FCSK: variants seen among roughly 807,000 people sequenced by gnomAD.
FCSK encodes L-fucose kinase.
A neutral mutation model predicts 122.5 loss-of-function variants in FCSK; 123 were observed. The ratio of observed to expected loss-of-function variants is 1.00; its 90% CI spans 0.87 to 1.17. The LOEUF is 1.17. FCSK is among the 50% of genes most tolerant of loss of function. FCSK has a pLI of 0.00. For missense variants in FCSK, 1,366 were observed against 1,450.4 expected, an observed-to-expected ratio of 0.94 and a Z score of 0.95; for synonymous variants, 620 against 625.5, an observed-to-expected ratio of 0.99 and a Z score of 0.13.
At chr16:70,478,769 A>G in intron 22 of FCSK, 119 bp downstream of exon 22, 1 of 811,942 alleles carries the variant, frequency 1.2e-6, no homozygotes, top group Middle Eastern at 2.2e-4. Flanking sequence ...GCCTCTGGGA[A>G]CAGAAGCCTA....
rs118034378 is a variant in FCSK, at chr16:70,465,379, C to T, written c.285+203C>T. ...TTAGATTGAAAGGTCCATCTAGGGC[C>T]GGGCGCAGTGGCTCATGCCTGTAAA... On this transcript the variant is annotated intron_variant, in intron 4 of 23. Coordinates refer to ENST00000288078, the MANE Select transcript of FCSK (RefSeq NM_145059.3). Among the ~76,000 whole-genome samples the T allele has an allele frequency of 3.3e-3, 507 of 152,006 alleles. 6 individuals carry two copies. The East Asian group carries it at 0.036, about 11-fold the overall frequency.
chr16:70,462,220 T>TCAC (rs2048288801), intron 1 of FCSK: 1 of 152,244 alleles, frequency 6.6e-6, no homozygotes, highest in Non-Finnish European at 1.5e-5. Context: ...TGATCATGGC[T>TCAC]CACTGCAGCC....
At chr16:70,475,608 GGA>G in intron 19 of FCSK, 38 bp from the exon 20 acceptor site, 1 of 1,575,030 alleles carries the variant, frequency 6.3e-7, no homozygotes, top group East Asian at 2.3e-5. Context: ...TGGGCAGGGT[GGA>G]GGTGTTTCAT....
chr16:70,469,039 C>G, intron 9 of FCSK, 71 bp downstream of exon 9: 2 of 1,606,636 alleles, frequency 1.2e-6, no homozygotes, highest in Non-Finnish European at 1.7e-6. Flanking sequence ...AGGCCAGCCA[C>G]TTCCCCTCTC....
chr16:70,465,857 G>A (rs963997473), intron 4 of FCSK, among the ~76,000 whole-genome samples: 2 of 152,138 alleles, frequency 1.3e-5, no homozygotes, highest in South Asian at 2.1e-4. Flanking sequence ...GGAGGCTGAG[G>A]CATGAGAATT....
Position 70,471,212 on chromosome 16 carries a change from G to A in FCSK, c.1201G>A (p.Val401Met), listed in dbSNP as rs991278723. 5.0e-6 allele frequency: 8 copies of A among 1,607,620 alleles called. No homozygotes were observed. In the Middle Eastern group the frequency reaches 6.6e-4, roughly 134 times the overall value. The change falls in exon 13 of 24, where the codon GTG becomes ATG. Residue 401 changes from valine to methionine, a missense_variant. Physicochemically the swap from Val to Met is conservative, Grantham distance 21 (BLOSUM62 1). Transcript: ENST00000288078. Reference protein sequence around the residue: ...GPIHIGAGCLVTGLDTAHSKA... With the variant: ...GPIHIGAGCLMTGLDTAHSKA... ...CATTCACATAGGCGCTGGCTGCTTG[G>A]TGACTGGCCTGGATACAGCCCACTC...
In FCSK at chr16:70,460,574, T is replaced by G. The variant is rs192474976; in HGVS notation, c.-22-2595T>G. On this transcript the variant is annotated intron_variant, in intron 1 of 23. Transcript: ENST00000288078. ...CACGTGCCACCACATCTGGCTAATT[T>G]TTGTATTTTTATTAGAGACGGGGTT... Among the ~76,000 whole-genome samples, 1,081 of 151,976 alleles carry G rather than the reference T, an allele frequency of 7.1e-3. 18 individuals are homozygous for G. Among genetic ancestry groups the G allele is most frequent in the Middle Eastern group, 0.01 (3 of 292 alleles).
intron 1 of FCSK, 163 bp downstream of exon 1, chr16:70,454,793 C>T (rs569676042): frequency 6.6e-6 from 1 of 152,282 alleles, no homozygotes; most frequent in South Asian, 2.1e-4. Context: ...TGCGGTGCCC[C>T]GGGAGCCCAC....
intron 1 of FCSK, among the ~76,000 whole-genome samples, chr16:70,460,362 C>T (rs192924091): frequency 0.021 from 3,135 of 151,242 alleles, 52 homozygotes; most frequent in Non-Finnish European, 0.032. Context: ...CCACCCTCCT[C>T]GGCCTCCCAA....
intron 1 of FCSK, among the ~76,000 whole-genome samples, chr16:70,462,507 G>T (rs17883827): frequency 6.6e-6 from 1 of 152,180 alleles, no homozygotes. Context: ...TGTATTTTTA[G>T]TAGTGAAGAG....
intron 1 of FCSK, among the ~76,000 whole-genome samples, chr16:70,455,595 TAAAAA>T (rs1387849487): frequency 7.3e-6 from 1 of 137,046 alleles, no homozygotes; most frequent in Non-Finnish European, 1.6e-5. Context: ...AACTATTAAT[TAAAAA>T]AAAAAAAAAG....
At chr16:70,459,871 G>C (rs557525026) in intron 1 of FCSK, among the ~76,000 whole-genome samples, 7 of 148,928 alleles carry the variant, frequency 4.7e-5, no homozygotes, top group Non-Finnish European at 1.0e-4. Flanking sequence ...GTATGGTCTC[G>C]GCTCACTGCA....
intron 14 of FCSK, 83 bp from the exon 15 acceptor site, chr16:70,472,900 T>C (rs1210210451): frequency 2.7e-6 from 4 of 1,469,624 alleles, no homozygotes. Context: ...CCTGTCCCCA[T>C]GAACTGACAG....
rs1297292493 is a variant in FCSK at position 70,474,602 on chromosome 16, C to T, written c.2063C>T (p.Ser688Leu). ...GQILIRQAVMSAQHFVSTEQV... is the reference protein window; with the variant it reads ...GQILIRQAVMLAQHFVSTEQV... Reference sequence around the variant, plus strand: ...ATCCTGATCCGCCAGGCTGTGATGTCAGCCCAGCACTTTGTCTCCACAGAG... The same window carrying T: ...ATCCTGATCCGCCAGGCTGTGATGTTAGCCCAGCACTTTGTCTCCACAGAG... Residue 688 changes from serine to leucine, a missense_variant, in exon 17 of 24, where the codon TCA becomes TTA. Coordinates refer to ENST00000288078, the MANE Select transcript of FCSK (RefSeq NM_145059.3). The T allele has an allele frequency of 6.3e-7, 1 of 1,576,888 alleles. No individual in the cohort carries two copies. Among genetic ancestry groups the T allele is most frequent in the South Asian group, 1.2e-5 (1 of 86,146 alleles).
intron 13 of FCSK, 61 bp from the exon 14 acceptor site, chr16:70,472,480 G>A (rs17885446): frequency 2.6e-5 from 36 of 1,382,138 alleles, no homozygotes; most frequent in Non-Finnish European, 3.4e-5. Flanking sequence ...CCCCCTGGCC[G>A]AGTGTCTCTA....
chr16:70,476,879 G>T (rs1266419502), intron 20 of FCSK, among the ~76,000 whole-genome samples: 1 of 152,196 alleles, frequency 6.6e-6, no homozygotes, highest in Non-Finnish European at 1.5e-5. Context: ...ACTCTGTGGG[G>T]CCCCAGGGAT....
At chr16:70,461,260 G>A (rs2151702402) in intron 1 of FCSK, among the ~76,000 whole-genome samples, 1 of 152,318 alleles carries the variant, frequency 6.6e-6, no homozygotes, top group Non-Finnish European at 1.5e-5. Flanking sequence ...CCAGTGGTGA[G>A]CAGCTTACTT....
Position 70,479,795 on chromosome 16 carries a change from A to C in FCSK, c.*115A>C. Reference sequence around the variant, plus strand: ...CACCCACCTCTGCGAATCTGCTCCCAAAGGAAGCTGACCAGAGCAAGATCT... The same window carrying C: ...CACCCACCTCTGCGAATCTGCTCCCCAAGGAAGCTGACCAGAGCAAGATCT... On this transcript the variant is annotated 3_prime_UTR_variant, in exon 24 of 24. Transcript: ENST00000288078. 4.0e-6 allele frequency: 3 copies of C among 757,046 alleles called. No individual in the cohort carries two copies. The highest frequency in any genetic ancestry group is 4.3e-6 in the Non-Finnish European group (2 of 466,342). 46.9% of individuals were successfully genotyped at this position (757,046 alleles called of 1,614,324 possible).
chr16:70,469,031 G>T, intron 9 of FCSK, 63 bp downstream of exon 9: 2 of 1,607,176 alleles, frequency 1.2e-6, no homozygotes, highest in South Asian at 2.2e-5. Flanking sequence ...GTGACCTCAG[G>T]CCAGCCACTT....
Sources: gnomAD v4.1 joint callset for allele counts (sites outside exome capture counted in the v4.1 genomes callset) on GRCh38, gnomAD v4.1.1 for gene constraint, MANE v1.5 for transcripts, NCBI Gene and HGNC (gene_info 2026-07-23, HGNC 2026-07-21) for gene names.